Variants in GRM7 observed in about 807,000 individuals in gnomAD.
GRM7 encodes the protein glutamate metabotropic receptor 7.
In GRM7, 35 loss-of-function variants were observed where a neutral mutation model predicts 84.5. That is an observed-to-expected ratio of 0.41 (90% confidence interval 0.32 to 0.55). The LOEUF is 0.55. Among genes scored for constraint, GRM7 ranks in the 20% least tolerant of loss-of-function variants. The pLI, the probability that GRM7 is intolerant of heterozygous loss-of-function variation, is 0.19. For missense variants in GRM7, 1,003 were observed against 1,194.6 expected (o/e 0.84, Z 2.36); for synonymous variants, 487 against 455.1 (o/e 1.07, Z -0.89).
chr3:7,291,492 C>G (rs1699620620), intron 2 of GRM7, among the ~76,000 whole-genome samples: 1 of 676 alleles, frequency 1.5e-3, no homozygotes, highest in South Asian at 0.12. Context: ...CATGCCAGCT[C>G]TCTCTCTCTC....
At chr3:7,667,533 C>A (rs1053370427) in intron 8 of GRM7, among the ~76,000 whole-genome samples, 4 of 151,992 alleles carry the variant, frequency 2.6e-5, no homozygotes, top group African/African-American at 9.7e-5. Context: ...TTAAAAAATT[C>A]ATCCATCAAT....
intron 7 of GRM7, among the ~76,000 whole-genome samples, chr3:7,573,478 C>G (rs1183032023): frequency 6.6e-6 from 1 of 152,116 alleles, no homozygotes; most frequent in African/African-American, 2.4e-5. Flanking sequence ...CAGATCTCTT[C>G]TCCATAAAAA....
chr3:7,469,727 A>G (rs779709), intron 7 of GRM7, among the ~76,000 whole-genome samples: 69,297 of 152,036 alleles, frequency 0.46, 16,528 homozygotes, highest in African/African-American at 0.61. Context: ...TTAACCTGAC[A>G]CCACAGTAAC....
intron 7 of GRM7, among the ~76,000 whole-genome samples, chr3:7,574,121 T>C (rs1444788916): frequency 6.6e-6 from 1 of 151,970 alleles, no homozygotes; most frequent in African/African-American, 2.4e-5. Context: ...TTATTATTTT[T>C]TTGCCATCCT....
intron 1 of GRM7, among the ~76,000 whole-genome samples, chr3:7,119,705 G>A (rs950102095): frequency 1.2e-4 from 18 of 152,022 alleles, no homozygotes; most frequent in Non-Finnish European, 8.8e-5. Context: ...TTGTTTCTGT[G>A]AGCTCTTCCT....
chr3:7,589,007 G>A (rs190058947), intron 8 of GRM7, among the ~76,000 whole-genome samples: 148 of 152,290 alleles, frequency 9.7e-4, no homozygotes, highest in Non-Finnish European at 1.6e-3. Flanking sequence ...TAGCATCAAG[G>A]CCAGATATTT....
At chr3:7,110,377 T>C (rs902706707) in intron 1 of GRM7, among the ~76,000 whole-genome samples, 1 of 151,984 alleles carries the variant, frequency 6.6e-6, no homozygotes, top group Admixed American at 6.6e-5. Context: ...AAGGTGGGTG[T>C]ATCACTTCAG....
intron 9 of GRM7, among the ~76,000 whole-genome samples, chr3:7,715,735 G>A (rs770428617): frequency 6.6e-6 from 1 of 152,088 alleles, no homozygotes; most frequent in Non-Finnish European, 1.5e-5. Flanking sequence ...GCACACTTGG[G>A]TTCCTGAATC....
intron 2 of GRM7, among the ~76,000 whole-genome samples, chr3:7,214,933 G>C (rs532801751): frequency 1.2e-3 from 181 of 152,218 alleles, no homozygotes; most frequent in Non-Finnish European, 1.9e-3. Context: ...TATTTAGAAA[G>C]ACCTAAAAAC....
chr3:7,112,569 CT>C (rs1395854892), intron 1 of GRM7, among the ~76,000 whole-genome samples: 1 of 152,072 alleles, frequency 6.6e-6, no homozygotes, highest in Non-Finnish European at 1.5e-5. Context: ...ATATCTCTGA[CT>C]TTGAGAATTA....
At chr3:7,335,223 C>G (rs1430192947) in intron 4 of GRM7, among the ~76,000 whole-genome samples, 1 of 152,052 alleles carries the variant, frequency 6.6e-6, no homozygotes, top group Non-Finnish European at 1.5e-5. Context: ...TCTCTCAGAC[C>G]ACAGTGAAAT....
chr3:7,255,072 T>C (rs550467746), intron 2 of GRM7, among the ~76,000 whole-genome samples: 4 of 152,204 alleles, frequency 2.6e-5, no homozygotes, highest in Non-Finnish European at 4.4e-5. Context: ...AAATATTTCA[T>C]GGTAAGAAAG....
chr3:7,222,382 G>A lies in GRM7; in HGVS notation c.736+75714G>A, dbSNP rs143285443. ...AACCCCCACCGCGAACTGACTTTGA[G>A]ATTGGATAGAGGGTTCCATGTACCA... On this transcript the variant is annotated intron_variant, in intron 2 of 9. Transcript: ENST00000357716. 2.6e-3 allele frequency among the ~76,000 whole-genome samples: 396 copies of A among 152,154 alleles called. 1 individual carries two copies. The highest frequency in any genetic ancestry group is 0.02 in the Middle Eastern group (6 of 294).
chr3:7,578,343 G>A (rs971123375), intron 7 of GRM7, 79 bp from the exon 8 acceptor site: 7 of 895,176 alleles, frequency 7.8e-6, no homozygotes, highest in Non-Finnish European at 1.2e-5. Context: ...CTTGCCATGA[G>A]TACTGTTTGC....
intron 2 of GRM7, among the ~76,000 whole-genome samples, chr3:7,293,968 C>T (rs1575130048): frequency 6.6e-6 from 1 of 152,318 alleles, no homozygotes; most frequent in South Asian, 2.1e-4. Context: ...GTTTATTTCT[C>T]TTTCTCTGTT....
chr3:7,677,259 CT>C lies in GRM7; in HGVS notation c.2452-2787del, dbSNP rs144015039. Among the ~76,000 whole-genome samples the C allele has an allele frequency of 3.0e-3, 139 of 45,678 alleles. 8 individuals carry two copies. In the South Asian group the frequency reaches 0.07, roughly 23 times the overall value. The allele number at this position is 45,678 out of a possible 152,430, so 30.0% of individuals were successfully genotyped here. On this transcript the variant is annotated intron_variant, in intron 8 of 9. Transcript: ENST00000357716. ...CCTGGGCAATAGAGGGAGACTCTGT[CT>C]TTAAAAAAAAAAAAAAAAAAAAAAA...
At chr3:7,371,022 AG>A (rs1336708977) in intron 4 of GRM7, among the ~76,000 whole-genome samples, 2 of 152,220 alleles carry the variant, frequency 1.3e-5, no homozygotes, top group Non-Finnish European at 2.9e-5. Context: ...CAAGTGCAAA[AG>A]TTCCCAGTAA....
intron 8 of GRM7, among the ~76,000 whole-genome samples, chr3:7,609,993 G>A (rs951269798): frequency 6.6e-6 from 1 of 152,118 alleles, no homozygotes; most frequent in African/African-American, 2.4e-5. Context: ...GGTTGACGTG[G>A]TTTTACTTAA....
chr3:7,566,175 G>A (rs909858977), intron 7 of GRM7, among the ~76,000 whole-genome samples: 2 of 132,700 alleles, frequency 1.5e-5, no homozygotes, highest in Non-Finnish European at 3.1e-5. Context: ...TTCTGGCTAT[G>A]CATTGCCAAC....
Sources: gnomAD v4.1 joint callset for allele counts (sites outside exome capture counted in the v4.1 genomes callset) on GRCh38, gnomAD v4.1.1 for gene constraint, MANE v1.5 for transcripts, NCBI Gene and HGNC (gene_info 2026-07-23, HGNC 2026-07-21) for gene names.